Variants in SLC26A6 observed in about 807,000 individuals in gnomAD.
SLC26A6 encodes anion exchange transporter.
SLC26A6 carries 67 observed loss-of-function variants against 87.1 expected under a neutral mutation model. That is an observed-to-expected ratio of 0.77 (90% CI 0.63 to 0.94). The LOEUF is 0.94. Among genes scored for constraint, SLC26A6 ranks in the 40% least tolerant of loss-of-function variants. The pLI is 0.00. For missense variants in SLC26A6, 902 were observed against 973.0 expected (o/e 0.93, Z 0.97); for synonymous variants, 414 against 405.9 (o/e 1.02, Z -0.24).
intron 4 of SLC26A6, 161 bp from the exon 5 acceptor site, chr3:48,632,557 G>T: frequency 1.0e-6 from 1 of 994,796 alleles, no homozygotes; most frequent in Non-Finnish European, 1.5e-6. Context: ...GGTTTGGCCA[G>T]GCCAGGAGTA....
At position 48,630,854 on chromosome 3, in the gene SLC26A6, G is replaced by A. The variant is rs71324909; in HGVS notation, c.1135-134C>T. On this transcript the variant is annotated intron_variant, in intron 9 of 20. Coordinates refer to ENST00000395550, the MANE Select transcript of SLC26A6 (RefSeq NM_022911.3). ...CCAGAGACTGGATGCTGTCCCACACGTCCTGCTCTCCCACCCTCAGTCCCC... is the reference window on the plus strand; with the variant it reads ...CCAGAGACTGGATGCTGTCCCACACATCCTGCTCTCCCACCCTCAGTCCCC... The A allele has an allele frequency of 3.6e-3, 5,471 of 1,502,440 alleles. 14 individuals are homozygous for A. Among genetic ancestry groups the A allele is most frequent in the Non-Finnish European group, 4.2e-3 (4,554 of 1,094,994 alleles). The allele number at this position is 1,502,440 out of a possible 1,614,324, so 93.1% of individuals were successfully genotyped here.
Position 48,633,586 on chromosome 3 carries a change from G to A in SLC26A6, c.73C>T (p.Arg25Trp), listed in dbSNP as rs2046874092. Residue 25 changes from arginine to tryptophan, a missense_variant, in exon 2 of 21, where the codon CGG (arginine) becomes TGG (tryptophan). By Grantham distance (101) the Arg-to-Trp change is moderately radical. Transcript: ENST00000395550. ...LLSATQAMDL[R>W]RRDYHMERPL... ...CGTTCCATGTGGTAGTCTCGCCTCC[G>A]CAGGTCCATTGCTTGTGTTGCAGAC... The A allele has an allele frequency of 5.6e-6, 9 of 1,613,432 alleles. No homozygotes were observed. Among genetic ancestry groups the A allele is most frequent in the South Asian group, 2.2e-5 (2 of 91,094 alleles).
At chr3:48,630,960 G>C in intron 9 of SLC26A6, 33 bp downstream of exon 9, 1 of 1,609,954 alleles carries the variant, frequency 6.2e-7, no homozygotes, top group South Asian at 1.1e-5. Context: ...CCATACACTT[G>C]GATGCCTCCT....
At chr3:48,634,074 C>G (rs989674841) in intron 1 of SLC26A6, 4 of 198,830 alleles carry the variant, frequency 2.0e-5, no homozygotes, top group African/African-American at 9.3e-5. Context: ...GGTCCAGCTC[C>G]TCAAGCAACT....
At position 48,632,395 on chromosome 3, in the gene SLC26A6, C is replaced by T. The variant is rs1309055524; in HGVS notation, c.435G>A (p.Gly145=). The part of the protein sequence containing the change: ...LFGTSRHISV[G]TFAVMSVMVG... ...CCATCACAGACATGACAGCAAAGGT[C>T]CCTGTAAGGACGGCACGGGGCAGGT... Residue 145 remains glycine, a splice_region_variant and synonymous_variant, in exon 5 of 21, where the codon GGG becomes GGA. Coordinates refer to ENST00000395550, the MANE Select transcript of SLC26A6 (RefSeq NM_022911.3). The T allele has an allele frequency of 6.2e-7, 1 of 1,605,444 alleles. No individual in the cohort carries two copies. Among genetic ancestry groups the T allele is most frequent in the South Asian group, 1.1e-5 (1 of 89,854 alleles).
intron 1 of SLC26A6, 120 bp from the exon 2 acceptor site, chr3:48,633,755 A>G (rs1414219734): frequency 3.3e-6 from 5 of 1,511,174 alleles, no homozygotes; most frequent in Non-Finnish European, 4.4e-6. Context: ...ATCAAGGTAC[A>G]GTATTCCAGC....
At position 48,625,822 on chromosome 3, in the gene SLC26A6, A is replaced by G; in HGVS notation, c.*164T>C. On this transcript the variant is annotated 3_prime_UTR_variant, in exon 21 of 21. Coordinates refer to ENST00000395550, the MANE Select transcript of SLC26A6 (RefSeq NM_022911.3). The surrounding 1 kb of genome is among the most constrained non-coding windows in gnomAD (Gnocchi z 4.7). The stretch of plus-strand genomic sequence containing the variant: ...TGACTGCATGCAGGCCCTGTCCCAG[A>G]CCTGGAGCGCTGAACTTGGAGTCCC... 1 of 833,524 alleles carries G rather than the reference A, an allele frequency of 1.2e-6. No homozygotes were observed. Among genetic ancestry groups the G allele is most frequent in the Non-Finnish European group, 1.9e-6 (1 of 525,208 alleles). 51.6% of individuals were successfully genotyped at this position (833,524 alleles called of 1,614,324 possible).
Position 48,628,369 on chromosome 3 carries a change from G to A in SLC26A6, c.1800+65C>T, listed in dbSNP as rs747837787. The A allele has an allele frequency of 1.8e-4, 285 of 1,602,200 alleles. No homozygotes were observed. The highest frequency in any genetic ancestry group is 2.3e-4 in the Non-Finnish European group (273 of 1,173,086). On this transcript the variant is annotated intron_variant, in intron 16 of 20. Coordinates refer to ENST00000395550, the MANE Select transcript of SLC26A6 (RefSeq NM_022911.3). This position sits in a 1 kb window ranked among gnomAD's most constrained non-coding sequence, Gnocchi z 4.4. Reference sequence around the variant, plus strand: ...AGGACGAGGGAGGAGTCGGGGGCCAGGAGAAAGGCTGGGGCAGGGAACAGG... The same window carrying A: ...AGGACGAGGGAGGAGTCGGGGGCCAAGAGAAAGGCTGGGGCAGGGAACAGG...
intron 3 of SLC26A6, 24 bp downstream of exon 3, chr3:48,633,227 G>A (rs1475682049): frequency 1.2e-6 from 2 of 1,607,442 alleles, no homozygotes; most frequent in Non-Finnish European, 1.7e-6. Flanking sequence ...GGGTTTCCAG[G>A]CCGACGCACT....
Position 48,633,750 on chromosome 3 carries a change from G to C in SLC26A6, c.24-115C>G, listed in dbSNP as rs182910038. On this transcript the variant is annotated intron_variant, in intron 1 of 20. Coordinates refer to ENST00000395550, the MANE Select transcript of SLC26A6 (RefSeq NM_022911.3). ...TGATTTTTCCAGGCCCTAAGATCAA[G>C]GTACAGTATTCCAGCCCCCAGCTGG... is the stretch of plus-strand genomic sequence containing the variant. 14 of 1,517,734 alleles carry C rather than the reference G, an allele frequency of 9.2e-6. 1 individual carries two copies. In the African/African-American group the frequency reaches 1.2e-4, roughly 13 times the overall value. The allele number at this position is 1,517,734 out of a possible 1,614,324, so 94.0% of individuals were successfully genotyped here. A position where few individuals can be genotyped will look rare whatever the true frequency, so the allele number is the denominator to read the frequency against.
intron 19 of SLC26A6, 125 bp from the exon 20 acceptor site, chr3:48,626,479 C>T (rs1182253370): frequency 4.5e-6 from 7 of 1,540,674 alleles, no homozygotes; most frequent in African/African-American, 1.4e-5. Context: ...GCTGAATCCA[C>T]ATCACTTGTA....
In SLC26A6 at chr3:48,626,256, G is replaced by A; in HGVS notation, c.2227C>T (p.Leu743Phe). 3 of 1,614,086 alleles carry A rather than the reference G, an allele frequency of 1.9e-6. No individual in the cohort carries two copies. The highest frequency in any genetic ancestry group is 2.5e-6 in the Non-Finnish European group (3 of 1,180,008). ...TCGGGGACAGGCCTCGGGTGTTGGA[G>A]GGCAAAGGTGACAGCATCATGGACA... is the stretch of plus-strand genomic sequence containing the variant. Reference protein sequence around the residue: ...ASVHDAVTFALQHPRPVPDSP... With the variant: ...ASVHDAVTFAFQHPRPVPDSP... Residue 743 changes from leucine to phenylalanine, a missense_variant, in exon 20 of 21, where the codon CTC (leucine) becomes TTC (phenylalanine). Leu to Phe is a conservative substitution (Grantham distance 22, BLOSUM62 0). Coordinates refer to ENST00000395550, the MANE Select transcript of SLC26A6 (RefSeq NM_022911.3).
intron 14 of SLC26A6, 151 bp downstream of exon 14, chr3:48,629,491 T>C: frequency 7.5e-6 from 6 of 795,592 alleles, no homozygotes; most frequent in Non-Finnish European, 1.2e-5. Flanking sequence ...GAGGGGGTCA[T>C]AGACCTAAAC....
intron 17 of SLC26A6, 71 bp downstream of exon 17, chr3:48,627,875 C>T (rs993596140): frequency 5.2e-5 from 75 of 1,452,108 alleles, no homozygotes; most frequent in Non-Finnish European, 7.0e-5. Flanking sequence ...CATGGCATTC[C>T]TCATGAGACA....
At chr3:48,631,545 C>T in intron 7 of SLC26A6, 104 bp downstream of exon 7, 1 of 1,461,012 alleles carries the variant, frequency 6.8e-7, no homozygotes, top group Non-Finnish European at 9.2e-7. Flanking sequence ...AGAACCCTCC[C>T]AGCCCCCCTC....
chr3:48,631,363 C>T, intron 7 of SLC26A6, 57 bp from the exon 8 acceptor site: 1 of 1,478,858 alleles, frequency 6.8e-7, no homozygotes, highest in Non-Finnish European at 9.0e-7. Flanking sequence ...CAGGGGGACA[C>T]ATAAACCACT....
At chr3:48,631,830 C>T (rs2046803944) in intron 6 of SLC26A6, 29 bp from the exon 7 acceptor site, 1 of 1,613,212 alleles carries the variant, frequency 6.2e-7, no homozygotes, top group Non-Finnish European at 8.5e-7. Context: ...ACAGCTAGCA[C>T]TCAAGGCCAT....
chr3:48,631,131 G>T lies in SLC26A6; in HGVS notation c.996C>A (p.Pro332=). 1 of 1,613,670 alleles carries T rather than the reference G, an allele frequency of 6.2e-7. No homozygotes were observed. Among genetic ancestry groups the T allele is most frequent in the Non-Finnish European group, 8.5e-7 (1 of 1,180,024 alleles). Residue 332 remains proline (P), a synonymous_variant, in exon 9 of 21, where the codon CCC becomes CCA. Transcript: ENST00000395550. The part of the protein sequence containing the change: ...VVGNIPAGLV[P]PVAPNTQLFS... ...ACAGCTGGGTGTTGGGGGCCACTGG[G>T]GGCACCAGCCTGTGAGAGGTATCTG...
intron 17 of SLC26A6, chr3:48,627,365 G>A (rs2046654352): frequency 5.4e-6 from 2 of 372,300 alleles, no homozygotes; most frequent in Non-Finnish European, 9.7e-6. Flanking sequence ...GGGCCCAGGA[G>A]CAGGCCAGAA....
Sources: allele counts gnomAD v4.1 joint callset, GRCh38; gene constraint gnomAD v4.1.1; non-coding constraint Gnocchi (gnomAD v3.1); transcripts MANE v1.5; gene names NCBI Gene and HGNC (gene_info 2026-07-23, HGNC 2026-07-21).